Variants in CDH13 observed in about 807,000 individuals in gnomAD.
The protein encoded by CDH13 is cadherin-13.
Under a neutral mutation model 63.8 loss-of-function variants are expected in CDH13, and 24 were observed. The ratio of observed to expected loss-of-function variants is 0.38; its 90% CI spans 0.27 to 0.53. The LOEUF (loss-of-function observed/expected upper bound fraction) is 0.53. CDH13 is among the 20% of genes least tolerant of loss of function. The probability of loss-of-function intolerance (pLI) is 0.85; values close to 1 mark genes in which losing one functional copy is unlikely to be tolerated. For synonymous variants in CDH13, 503 were observed against 355.3 expected (o/e 1.42, Z -4.67); for missense variants, 1,049 against 903.1 (o/e 1.16, Z -2.07).
At chr16:83,216,441 T>TAAAA (rs1184326880) in intron 4 of CDH13, among the ~76,000 whole-genome samples, 7 of 111,230 alleles carry the variant, frequency 6.3e-5, no homozygotes, top group African/African-American at 1.6e-4. Context: ...TATATATATA[T>TAAAA]ATACACAACC....
intron 6 of CDH13, among the ~76,000 whole-genome samples, chr16:83,455,902 G>A (rs183067645): frequency 3.3e-5 from 5 of 152,316 alleles, no homozygotes; most frequent in Admixed American, 2.6e-4. Flanking sequence ...CTGGAAAAAC[G>A]ACAGACTAGT....
chr16:83,634,374 A>G (rs1911067891), intron 8 of CDH13, among the ~76,000 whole-genome samples: 1 of 151,178 alleles, frequency 6.6e-6, no homozygotes, highest in Non-Finnish European at 1.5e-5. Flanking sequence ...TAATGGAATC[A>G]TACAATATGT....
At chr16:83,445,658 C>T (rs1160482703) in intron 6 of CDH13, among the ~76,000 whole-genome samples, 3 of 152,122 alleles carry the variant, frequency 2.0e-5, no homozygotes, top group African/African-American at 7.2e-5. Flanking sequence ...CTTTCTCCAC[C>T]TTTTTTGCTT....
chr16:83,443,051 C>T (rs2072528705), intron 6 of CDH13, among the ~76,000 whole-genome samples: 1 of 152,236 alleles, frequency 6.6e-6, no homozygotes, highest in Admixed American at 6.5e-5. Context: ...TGCAGTGCTA[C>T]AGCTGTTCAG....
intron 2 of CDH13, among the ~76,000 whole-genome samples, chr16:83,012,711 C>T (rs1378076492): frequency 1.3e-5 from 2 of 152,210 alleles, no homozygotes; most frequent in East Asian, 3.9e-4. Context: ...TAAATTATTC[C>T]TTTTGATACC....
intron 6 of CDH13, among the ~76,000 whole-genome samples, chr16:83,414,930 T>C: frequency 6.6e-6 from 1 of 152,094 alleles, no homozygotes; most frequent in East Asian, 1.9e-4. Context: ...ATTTCAATAT[T>C]TTTGGACAAA....
At chr16:83,296,010 G>A (rs973958788) in intron 5 of CDH13, among the ~76,000 whole-genome samples, 1 of 152,110 alleles carries the variant, frequency 6.6e-6, no homozygotes, top group African/African-American at 2.4e-5. Flanking sequence ...TGATGTTTCA[G>A]AGAAATAAAC....
intron 10 of CDH13, chr16:83,710,669 C>G (rs1488881781): frequency 6.6e-6 from 1 of 152,182 alleles, no homozygotes; most frequent in African/African-American, 2.4e-5. Flanking sequence ...GAGAAATTGA[C>G]TCACCATCTC....
At chr16:83,206,960 A>G (rs16959795) in intron 4 of CDH13, among the ~76,000 whole-genome samples, 6,902 of 152,320 alleles carry the variant, frequency 0.045, 330 homozygotes, top group African/African-American at 0.12. Context: ...AATCACCTGT[A>G]CTCAGACTAA....
chr16:83,093,370 C>T lies in CDH13; in HGVS notation c.367-32015C>T, dbSNP rs114083354. On this transcript the variant is annotated intron_variant, in intron 3 of 13. Coordinates refer to ENST00000567109, the MANE Select transcript of CDH13 (RefSeq NM_001257.5). ...TCGTCTTTTGCCCCGGCTGGAGTGC[C>T]GTGAGTGGCACAGTCTAGGCTGACT... Among the ~76,000 whole-genome samples the T allele has an allele frequency of 5.8e-3, 675 of 117,150 alleles. 4 individuals carry two copies. The highest frequency in any genetic ancestry group is 0.021 in the African/African-American group (645 of 31,078). The allele number at this position is 117,150 out of a possible 152,430, so 76.9% of individuals were successfully genotyped here. A position where few individuals can be genotyped will look rare whatever the true frequency, so the allele number is the denominator to read the frequency against.
intron 2 of CDH13, among the ~76,000 whole-genome samples, chr16:82,982,649 A>G (rs1910429849): frequency 6.6e-6 from 1 of 152,204 alleles, no homozygotes; most frequent in South Asian, 2.1e-4. Context: ...TGCCATTGAA[A>G]GTAATGGCAA....
At chr16:83,099,235 C>T (rs1479355739) in intron 3 of CDH13, among the ~76,000 whole-genome samples, 1 of 152,086 alleles carries the variant, frequency 6.6e-6, no homozygotes, top group Non-Finnish European at 1.5e-5. Context: ...AAAGTAGGTG[C>T]TCTTTAAATG....
intron 3 of CDH13, among the ~76,000 whole-genome samples, chr16:83,087,435 C>T (rs1243056849): frequency 2.0e-5 from 3 of 151,902 alleles, no homozygotes; most frequent in Non-Finnish European, 2.9e-5. Flanking sequence ...TTTGAGAGGC[C>T]GAGGCGGGCA....
At chr16:83,773,893 G>A (rs1295712851) in intron 11 of CDH13, among the ~76,000 whole-genome samples, 1 of 152,058 alleles carries the variant, frequency 6.6e-6, no homozygotes. Context: ...CTATAATAAG[G>A]TCCTGCTCCC....
chr16:83,433,588 G>C (rs2072194855), intron 6 of CDH13, among the ~76,000 whole-genome samples: 1 of 152,160 alleles, frequency 6.6e-6, no homozygotes, highest in Non-Finnish European at 1.5e-5. Context: ...TGTGAGCTTG[G>C]GGATGAGGGT....
At chr16:83,394,321 T>C (rs954307797) in intron 6 of CDH13, among the ~76,000 whole-genome samples, 1 of 151,262 alleles carries the variant, frequency 6.6e-6, no homozygotes, top group African/African-American at 2.4e-5. Context: ...AATTGCGTGC[T>C]CAAGGAAAGC....
At chr16:83,500,298 TTCTCC>T (rs1451652099) in intron 7 of CDH13, among the ~76,000 whole-genome samples, 31 of 1,926 alleles carry the variant, frequency 0.016, 9 homozygotes, top group African/African-American at 0.018. Context: ...CTTCTTCTCC[TTCTCC>T]TTCTCCTTCT....
At chr16:82,792,198 A>G (rs527319574) in intron 1 of CDH13, among the ~76,000 whole-genome samples, 1 of 152,134 alleles carries the variant, frequency 6.6e-6, no homozygotes, top group African/African-American at 2.4e-5. Flanking sequence ...AGATGATTCT[A>G]CCACCTTGCT....
chr16:82,829,460 C>T (rs575510572), intron 1 of CDH13: 1 of 152,196 alleles, frequency 6.6e-6, no homozygotes, highest in African/African-American at 2.4e-5. Context: ...TATCCCATTT[C>T]TGTTTTCACG....
Sources: gnomAD v4.1 joint callset for allele counts (sites outside exome capture counted in the v4.1 genomes callset) on GRCh38, gnomAD v4.1.1 for gene constraint, MANE v1.5 for transcripts, NCBI Gene and HGNC (gene_info 2026-07-23, HGNC 2026-07-21) for gene names.